The following IL2RA variants were observed in gnomAD, a reference collection of about 807,000 sequenced individuals.
The protein encoded by IL2RA is interleukin 2 receptor subunit alpha, also known as interleukin-2 receptor subunit alpha.
IL2RA carries 24 observed loss-of-function variants against 37.8 expected under a neutral mutation model. The observed-to-expected ratio is 0.63, with a 90% CI of 0.46 to 0.89. The LOEUF (loss-of-function observed/expected upper bound fraction) is 0.89. IL2RA is among the 40% of genes least tolerant of loss of function. IL2RA has a pLI of 0.00. For synonymous variants in IL2RA, 125 were observed against 114.6 expected, an observed-to-expected ratio of 1.09 and a Z score of -0.58; for missense variants, 319 against 348.6, an observed-to-expected ratio of 0.92 and a Z score of 0.68.
Position 6,018,006 on chromosome 10 carries a change from C to G in IL2RA, c.794+47G>C. On this transcript the variant is annotated intron_variant, in intron 7 of 7. Transcript: ENST00000379959. This position sits in a 1 kb window ranked among gnomAD's most constrained non-coding sequence, Gnocchi z 5.1. ...GGGGGAGGCAGGGTGGGGCTGGGTA[C>G]AGGACTTTGATCTGACCAAGGGCTG... 1.3e-6 allele frequency: 2 copies of G among 1,523,540 alleles called. No individual in the cohort carries two copies. Among genetic ancestry groups the G allele is most frequent in the Non-Finnish European group, 1.8e-6 (2 of 1,102,664 alleles). The allele number at this position is 1,523,540 out of a possible 1,614,324, so 94.4% of individuals were successfully genotyped here.
In IL2RA at chr10:6,021,746, G is replaced by A; in HGVS notation, c.368-53C>T. The stretch of plus-strand genomic sequence containing the variant: ...GCAAGTTGGGGACAGCACCGCGAGT[G>A]AGTCCAGGTTGCCTCTTGCTAGGGA... On this transcript the variant is annotated intron_variant, in intron 3 of 7. Coordinates refer to ENST00000379959, the MANE Select transcript of IL2RA (RefSeq NM_000417.3). The surrounding 1 kb of genome is among the most constrained non-coding windows in gnomAD (Gnocchi z 4.9). 1 of 1,484,698 alleles carries A rather than the reference G, an allele frequency of 6.7e-7. No individual in the cohort carries two copies. 92.0% of individuals were successfully genotyped at this position (1,484,698 alleles called of 1,614,324 possible).
At position 6,057,389 on chromosome 10, in the gene IL2RA, G is replaced by A. The variant is rs1045228124; in HGVS notation, c.64+4699C>T. Among the ~76,000 whole-genome samples, 8 of 152,166 alleles carry A rather than the reference G, an allele frequency of 5.3e-5. No individual in the cohort carries two copies. Among genetic ancestry groups the A allele is most frequent in the African/African-American group, 1.4e-4 (6 of 41,438 alleles). On this transcript the variant is annotated intron_variant, in intron 1 of 7. Transcript: ENST00000379959. This position sits in a 1 kb window ranked among gnomAD's most constrained non-coding sequence, Gnocchi z 4.8. ...ACACAAAAGTCGCTCAACCCTGACC[G>A]TGCCAGTATGTCTTCATTTGGGAAA...
rs1028261247 is a variant in IL2RA, at chr10:6,028,563, C to T, written c.65-2538G>A. Among the ~76,000 whole-genome samples the T allele has an allele frequency of 6.6e-6, 1 of 152,118 alleles. No homozygotes were observed. Among genetic ancestry groups the T allele is most frequent in the African/African-American group, 2.4e-5 (1 of 41,426 alleles). Reference sequence around the variant, plus strand: ...CTGCCTGGCAGAGCAAAATGCATTACCTTTTAAAGGACCATAAGATAATCT... The same window carrying T: ...CTGCCTGGCAGAGCAAAATGCATTATCTTTTAAAGGACCATAAGATAATCT... On this transcript the variant is annotated intron_variant, in intron 1 of 7. Coordinates refer to ENST00000379959, the MANE Select transcript of IL2RA (RefSeq NM_000417.3). The surrounding 1 kb of genome is among the most constrained non-coding windows in gnomAD (Gnocchi z 4.1).
chr10:6,046,328 G>C lies in IL2RA; in HGVS notation c.64+15760C>G, dbSNP rs1257388802. Among the ~76,000 whole-genome samples the C allele has an allele frequency of 6.6e-6, 1 of 152,176 alleles. No individual in the cohort carries two copies. Reference sequence around the variant, plus strand: ...TCCTGGCGCTTTCAGATACTACCATGATCTGCTAGTCTACTGTGATTTTGC... The same window carrying C: ...TCCTGGCGCTTTCAGATACTACCATCATCTGCTAGTCTACTGTGATTTTGC... On this transcript the variant is annotated intron_variant, in intron 1 of 7. Transcript: ENST00000379959. This position sits in a 1 kb window ranked among gnomAD's most constrained non-coding sequence, Gnocchi z 4.8.
At position 6,021,459 on chromosome 10, in the gene IL2RA, C is replaced by T. The variant is rs1839385698; in HGVS notation, c.583+19G>A. On this transcript the variant is annotated intron_variant, in intron 4 of 7. Coordinates refer to ENST00000379959, the MANE Select transcript of IL2RA (RefSeq NM_000417.3). This position sits in a 1 kb window ranked among gnomAD's most constrained non-coding sequence, Gnocchi z 4.9. The stretch of plus-strand genomic sequence containing the variant: ...TGGAGCAAAGCAACATTGTGGACCC[C>T]AGAAGGGAGCCACCCTACCTGGAAA... 1.2e-6 allele frequency: 2 copies of T among 1,608,124 alleles called. No homozygotes were observed. The highest frequency in any genetic ancestry group is 2.2e-5 in the South Asian group (2 of 90,902).
intron 1 of IL2RA, among the ~76,000 whole-genome samples, chr10:6,060,424 A>G (rs1200219314): frequency 6.6e-6 from 1 of 152,180 alleles, no homozygotes; most frequent in Non-Finnish European, 1.5e-5. Flanking sequence ...GAACTTATTC[A>G]TGTAACCAAA....
intron 1 of IL2RA, among the ~76,000 whole-genome samples, chr10:6,053,786 C>T (rs189979188): frequency 1.9e-4 from 29 of 152,366 alleles, no homozygotes; most frequent in African/African-American, 6.0e-4. Flanking sequence ...TGAGCCACTG[C>T]ACCTGGCTGC....
At position 6,048,146 on chromosome 10, in the gene IL2RA, C is replaced by T. The variant is rs551985670; in HGVS notation, c.64+13942G>A. 6.6e-6 allele frequency among the ~76,000 whole-genome samples: 1 copy of T among 152,304 alleles called. No homozygotes were observed. The highest frequency in any genetic ancestry group is 2.1e-4 in the South Asian group (1 of 4,828). On this transcript the variant is annotated intron_variant, in intron 1 of 7. Transcript: ENST00000379959. This position sits in a 1 kb window ranked among gnomAD's most constrained non-coding sequence, Gnocchi z 5.3. ...CCCTCAACTGCCCTTGTCATGTGCC[C>T]GTCATGCATCACAGGAAGGCTGTCA...
At position 6,021,518 on chromosome 10, in the gene IL2RA, C is replaced by G; in HGVS notation, c.543G>C (p.Gln181His). 1 of 1,614,152 alleles carries G rather than the reference C, an allele frequency of 6.2e-7. No individual in the cohort carries two copies. The highest frequency in any genetic ancestry group is 8.5e-7 in the Non-Finnish European group (1 of 1,180,016). Residue 181 changes from glutamine (Q) to histidine (H), a missense_variant, in exon 4 of 8, where the codon CAG becomes CAC. Physicochemically the swap from Gln to His is conservative, Grantham distance 24. Transcript: ENST00000379959. The surrounding 1 kb of genome is among the most constrained non-coding windows in gnomAD (Gnocchi z 4.9). The stretch of plus-strand genomic sequence containing the variant: ...TCTCCATTTCACCTGTGCATATGAG[C>G]TGGGGCTGGGTCCACCTTGTCTTCC... Reference protein sequence around the residue: ...THGKTRWTQPQLICTGEMETS... With the variant: ...THGKTRWTQPHLICTGEMETS...
Position 6,057,942 on chromosome 10 carries a change from T to C in IL2RA, c.64+4146A>G, listed in dbSNP as rs61839669. Among the ~76,000 whole-genome samples, 3 of 152,168 alleles carry C rather than the reference T, an allele frequency of 2.0e-5. No individual in the cohort carries two copies. The highest frequency in any genetic ancestry group is 7.2e-5 in the African/African-American group (3 of 41,524). On this transcript the variant is annotated intron_variant, in intron 1 of 7. Transcript: ENST00000379959. The surrounding 1 kb of genome is among the most constrained non-coding windows in gnomAD (Gnocchi z 4.8). ...GGAGTTCGAGACCAGCCTGGCCAAC[T>C]TGGTGAAACCCCGTCTCTACTAAAA...
chr10:6,015,010 G>T lies in IL2RA; in HGVS notation c.795-2114C>A, dbSNP rs1385862081. ...TTGGCCAGAGTGGATGCTGGCAGGG[G>T]TCAGGGAGGCCCTGGATAATCAAGA... On this transcript the variant is annotated intron_variant, in intron 7 of 7. Coordinates refer to ENST00000379959, the MANE Select transcript of IL2RA (RefSeq NM_000417.3). This position sits in a 1 kb window ranked among gnomAD's most constrained non-coding sequence, Gnocchi z 4.9. Among the ~76,000 whole-genome samples, 1 of 152,140 alleles carries T rather than the reference G, an allele frequency of 6.6e-6. No individual in the cohort carries two copies. The highest frequency in any genetic ancestry group is 1.5e-5 in the Non-Finnish European group (1 of 68,034).
chr10:6,020,039 C>T lies in IL2RA; in HGVS notation c.584-98G>A, dbSNP rs554942941. 6.7e-5 allele frequency: 68 copies of T among 1,008,018 alleles called. No homozygotes were observed. Among genetic ancestry groups the T allele is most frequent in the Middle Eastern group, 2.1e-4 (1 of 4,662 alleles). 62.4% of individuals were successfully genotyped at this position (1,008,018 alleles called of 1,614,324 possible). A position where few individuals can be genotyped will look rare whatever the true frequency, so the allele number is the denominator to read the frequency against. ...CCAGGCAGCCGGCCCCAGACACGCCCGAGGAGGCAGGAATCCTGGTGTGGG... is the reference window on the plus strand; with the variant it reads ...CCAGGCAGCCGGCCCCAGACACGCCTGAGGAGGCAGGAATCCTGGTGTGGG... On this transcript the variant is annotated intron_variant, in intron 4 of 7. Coordinates refer to ENST00000379959, the MANE Select transcript of IL2RA (RefSeq NM_000417.3). This position sits in a 1 kb window ranked among gnomAD's most constrained non-coding sequence, Gnocchi z 5.6.
chr10:6,032,238 G>A (rs4747844), intron 1 of IL2RA, among the ~76,000 whole-genome samples: 53,116 of 151,826 alleles, frequency 0.35, 10,068 homozygotes, highest in East Asian at 0.58. Context: ...ATATCTTATA[G>A]ATGTAACCAT....
chr10:6,061,938 G>A (rs998156815), intron 1 of IL2RA, 150 bp downstream of exon 1: 5 of 645,128 alleles, frequency 7.8e-6, no homozygotes, highest in African/African-American at 7.3e-5. Flanking sequence ...CATAAACTGG[G>A]GTCCCCGTGG....
chr10:6,031,466 ATATATATATATATATATATATATATATG>A (rs1210726482), intron 1 of IL2RA, among the ~76,000 whole-genome samples: 2,940 of 15,530 alleles, frequency 0.19, 45 homozygotes, highest in African/African-American at 0.28. Context: ...ATATATATAT[ATATATATATATATATATATATATATATG>A]TATATATATA....
rs572964329 is a variant in IL2RA, at chr10:6,048,328, C to T, written c.64+13760G>A. On this transcript the variant is annotated intron_variant, in intron 1 of 7. Transcript: ENST00000379959. This position sits in a 1 kb window ranked among gnomAD's most constrained non-coding sequence, Gnocchi z 5.3. Reference sequence around the variant, plus strand: ...GAGGATTTTGCCCAGATTTCCTGGGCGATGGGGAGGATGGGGTGCCATTCA... The same window carrying T: ...GAGGATTTTGCCCAGATTTCCTGGGTGATGGGGAGGATGGGGTGCCATTCA... Among the ~76,000 whole-genome samples, 21 of 152,230 alleles carry T rather than the reference C, an allele frequency of 1.4e-4. No homozygotes were observed. The highest frequency in any genetic ancestry group is 5.8e-4 in the East Asian group (3 of 5,186).
In IL2RA at chr10:6,058,377, A is replaced by AT. The variant is rs1840079477; in HGVS notation, c.64+3710dup. 6.6e-6 allele frequency among the ~76,000 whole-genome samples: 1 copy of AT among 152,188 alleles called. No individual in the cohort carries two copies. Among genetic ancestry groups the AT allele is most frequent in the African/African-American group, 2.4e-5 (1 of 41,430 alleles). On this transcript the variant is annotated intron_variant, in intron 1 of 7. Transcript: ENST00000379959. This position sits in a 1 kb window ranked among gnomAD's most constrained non-coding sequence, Gnocchi z 4.2. Reference sequence around the variant, plus strand: ...CTAAAATGAAGTATATGCACAGGTGATTTATCAAACTGCCTATTTAAGGCA... The same window carrying AT: ...CTAAAATGAAGTATATGCACAGGTGATTTTATCAAACTGCCTATTTAAGGCA...
At chr10:6,026,735 A>G (rs1160477339) in intron 1 of IL2RA, among the ~76,000 whole-genome samples, 1 of 152,164 alleles carries the variant, frequency 6.6e-6, no homozygotes, top group East Asian at 1.9e-4. Context: ...CTGCTCTAAG[A>G]GATTAGATTT....
rs950035461 is a variant in IL2RA, at chr10:6,047,070, C to T, written c.64+15018G>A. On this transcript the variant is annotated intron_variant, in intron 1 of 7. Transcript: ENST00000379959. The surrounding 1 kb of genome is among the most constrained non-coding windows in gnomAD (Gnocchi z 5.0). ...GACTGAAAGGGACAAAGACCCTCTC[C>T]ATGTCTCTGCATGCTTGCATGGAGA... Among the ~76,000 whole-genome samples the T allele has an allele frequency of 1.3e-5, 2 of 152,220 alleles. No homozygotes were observed. The highest frequency in any genetic ancestry group is 2.9e-5 in the Non-Finnish European group (2 of 68,046).
Sources: gnomAD v4.1 joint callset for allele counts (sites outside exome capture counted in the v4.1 genomes callset) on GRCh38, gnomAD v4.1.1 for gene constraint, Gnocchi (gnomAD v3.1) non-coding constraint, MANE v1.5 for transcripts, NCBI Gene and HGNC (gene_info 2026-07-23, HGNC 2026-07-21) for gene names.